Variants in CDH18 observed in about 807,000 individuals in gnomAD.
CDH18 encodes cadherin-18.
In CDH18, 31 loss-of-function variants were observed where a neutral mutation model predicts 67.9. That is an observed-to-expected ratio of 0.46 (90% CI 0.34 to 0.62). The LOEUF is 0.62. Ranked by LOEUF, CDH18 falls within the 20% of genes least tolerant of loss-of-function variation. CDH18 has a pLI of 0.01. For missense variants in CDH18, 890 were observed against 975.5 expected (o/e 0.91, Z 1.17); for synonymous variants, 362 against 347.2 (o/e 1.04, Z -0.48).
chr5:20,407,722 AT>A (rs76065305), intron 1 of CDH18, among the ~76,000 whole-genome samples: 5,271 of 149,516 alleles, frequency 0.035, 329 homozygotes, highest in African/African-American at 0.12. Context: ...AAAAAAAATA[AT>A]TTTTTTTTTT....
intron 1 of CDH18, among the ~76,000 whole-genome samples, chr5:20,348,675 A>G (rs1740905155): frequency 6.6e-6 from 1 of 152,192 alleles, no homozygotes; most frequent in Admixed American, 6.5e-5. Flanking sequence ...AAGACAGGGA[A>G]AAGCACATAC....
intron 2 of CDH18, among the ~76,000 whole-genome samples, chr5:19,883,563 A>C (rs1393874718): frequency 6.6e-6 from 1 of 151,920 alleles, no homozygotes; most frequent in East Asian, 1.9e-4. Context: ...TTACATTTTC[A>C]AAGTGAGTTT....
At chr5:19,906,008 A>G (rs1010428899) in intron 2 of CDH18, among the ~76,000 whole-genome samples, 1 of 152,084 alleles carries the variant, frequency 6.6e-6, no homozygotes, top group African/African-American at 2.4e-5. Flanking sequence ...CTAGTCATTA[A>G]CATACTTTTC....
intron 1 of CDH18, among the ~76,000 whole-genome samples, chr5:20,519,696 G>T (rs539898261): frequency 6.8e-5 from 10 of 146,138 alleles, no homozygotes; most frequent in Non-Finnish European, 1.5e-4. Context: ...GATTGTTTGC[G>T]GTTGAAATCC....
intron 8 of CDH18, among the ~76,000 whole-genome samples, chr5:19,553,880 C>T (rs538349854): frequency 1.1e-4 from 17 of 151,996 alleles, no homozygotes; most frequent in Admixed American, 3.3e-4. Context: ...ATGATCCTCT[C>T]GCCTCGACCT....
chr5:20,398,002 T>A (rs1745421454), intron 1 of CDH18, among the ~76,000 whole-genome samples: 1 of 152,206 alleles, frequency 6.6e-6, no homozygotes, highest in East Asian at 1.9e-4. Context: ...AAAATTTCAC[T>A]TCCTCAGTTG....
intron 1 of CDH18, among the ~76,000 whole-genome samples, chr5:20,293,815 G>T (rs1747281801): frequency 6.6e-6 from 1 of 152,114 alleles, no homozygotes; most frequent in Non-Finnish European, 1.5e-5. Context: ...TATAAAATAT[G>T]AAGCTCAACA....
intron 1 of CDH18, among the ~76,000 whole-genome samples, chr5:20,260,015 A>T (rs1246713050): frequency 4.6e-5 from 7 of 152,046 alleles, no homozygotes; most frequent in South Asian, 2.1e-4. Flanking sequence ...TTTAGTTAAA[A>T]TCTTAGAAAG....
At chr5:19,878,754 AAAT>A (rs1472756562) in intron 2 of CDH18, among the ~76,000 whole-genome samples, 2 of 152,108 alleles carry the variant, frequency 1.3e-5, no homozygotes, top group Non-Finnish European at 2.9e-5. Context: ...AAATGTAATA[AAAT>A]AGTAACTTAC....
chr5:20,148,288 A>G lies in CDH18; in HGVS notation c.-518+107156T>C, dbSNP rs190297242. Among the ~76,000 whole-genome samples the G allele has an allele frequency of 9.1e-4, 139 of 151,982 alleles. 1 individual carries two copies. Among genetic ancestry groups the G allele is most frequent in the African/African-American group, 3.0e-3 (125 of 41,472 alleles). On this transcript the variant is annotated intron_variant, in intron 2 of 14. Transcript: ENST00000507958. ...TTTTATTTTTATTTTTAATAGAGAC[A>G]GGGTTTCACTGTGTTAGCCAGGATG...
chr5:19,909,899 C>G (rs1790941496), intron 2 of CDH18, among the ~76,000 whole-genome samples: 1 of 152,068 alleles, frequency 6.6e-6, no homozygotes, highest in Non-Finnish European at 1.5e-5. Context: ...GTAATTACTA[C>G]ACTTTTAAAC....
chr5:20,342,216 C>T (rs1740328575), intron 1 of CDH18, among the ~76,000 whole-genome samples: 1 of 152,136 alleles, frequency 6.6e-6, no homozygotes, highest in Non-Finnish European at 1.5e-5. Flanking sequence ...TGGGACCCTG[C>T]AACTTGGAAT....
intron 2 of CDH18, among the ~76,000 whole-genome samples, chr5:20,247,920 A>G (rs1314162297): frequency 6.6e-6 from 1 of 152,186 alleles, no homozygotes; most frequent in Non-Finnish European, 1.5e-5. Flanking sequence ...TCACATATTT[A>G]GAAACAAGAA....
At chr5:19,968,334 A>G (rs1207441112) in intron 2 of CDH18, among the ~76,000 whole-genome samples, 2 of 152,190 alleles carry the variant, frequency 1.3e-5, no homozygotes, top group African/African-American at 4.8e-5. Context: ...AGAATTGAAA[A>G]AAAATTACTT....
intron 11 of CDH18, among the ~76,000 whole-genome samples, chr5:19,485,615 G>A (rs775919218): frequency 6.6e-6 from 1 of 152,042 alleles, no homozygotes; most frequent in Non-Finnish European, 1.5e-5. Context: ...GACATCACGT[G>A]TATTATATAA....
intron 10 of CDH18, among the ~76,000 whole-genome samples, chr5:19,504,479 G>A (rs77673570): frequency 0.011 from 1,670 of 151,838 alleles, 17 homozygotes; most frequent in South Asian, 0.031. Flanking sequence ...TTTTCACTTA[G>A]AGTAGGGGAA....
rs12659492 is a variant in CDH18 at position 19,960,546 on chromosome 5, C to A, written c.-257+20514G>T. Among the ~76,000 whole-genome samples, 43 of 128,092 alleles carry A rather than the reference C, an allele frequency of 3.4e-4. 1 individual carries two copies. Among genetic ancestry groups the A allele is most frequent in the Non-Finnish European group, 5.4e-4 (35 of 64,818 alleles). The allele number at this position is 128,092 out of a possible 152,430, so 84.0% of individuals were successfully genotyped here. A position where few individuals can be genotyped will look rare whatever the true frequency, so the allele number is the denominator to read the frequency against. On this transcript the variant is annotated intron_variant, in intron 2 of 12. Transcript: ENST00000382275. ...GACCTGCCTGAGGATGTTTAATATA[C>A]GTGTGTGTGTGTGTATGTGTGTGTG...
At chr5:20,481,711 CA>C (rs997070000) in intron 1 of CDH18, among the ~76,000 whole-genome samples, 1 of 151,464 alleles carries the variant, frequency 6.6e-6, no homozygotes, top group Non-Finnish European at 1.5e-5. Context: ...ATTAGTGGGT[CA>C]AAAAAAGTAA....
At chr5:19,813,775 A>G (rs566493825) in intron 3 of CDH18, among the ~76,000 whole-genome samples, 1 of 152,280 alleles carries the variant, frequency 6.6e-6, no homozygotes, top group East Asian at 1.9e-4. Context: ...ACATATTTTG[A>G]ATATTTAATT....
Sources: allele counts gnomAD v4.1 joint callset (sites outside exome capture counted in the v4.1 genomes callset), GRCh38; gene constraint gnomAD v4.1.1; transcripts MANE v1.5; gene names NCBI Gene and HGNC (gene_info 2026-07-23, HGNC 2026-07-21).